Variants in SLC9C1 observed in about 807,000 individuals in gnomAD.
SLC9C1 encodes sodium/hydrogen exchanger 10.
In SLC9C1, 97 loss-of-function variants were observed where a neutral mutation model predicts 140.9. That is an observed-to-expected ratio of 0.69 (90% CI 0.58 to 0.82). The LOEUF is 0.82. SLC9C1 is among the 40% of genes least tolerant of loss of function. The pLI is 0.00. For missense variants in SLC9C1, 1,340 were observed against 1,389.3 expected (o/e 0.96, Z 0.56); for synonymous variants, 440 against 442.6 (o/e 0.99, Z 0.07).
At chr3:112,259,426 A>G (rs1189969354) in intron 10 of SLC9C1, among the ~76,000 whole-genome samples, 1 of 151,930 alleles carries the variant, frequency 6.6e-6, no homozygotes, top group East Asian at 1.9e-4. Flanking sequence ...TAAAAAAAAA[A>G]AAAAAAGCAA....
chr3:112,280,594 ATGAATAAC>A, intron 3 of SLC9C1, 81 bp downstream of exon 3: 1 of 1,041,080 alleles, frequency 9.6e-7, no homozygotes, highest in Non-Finnish European at 1.4e-6. Flanking sequence ...CAGTGAGGGG[ATGAATAAC>A]TTTTGCAAAT....
intron 2 of SLC9C1, among the ~76,000 whole-genome samples, chr3:112,282,438 C>T (rs2080384088): frequency 1.3e-5 from 2 of 152,194 alleles, no homozygotes; most frequent in African/African-American, 4.8e-5. Context: ...TTTTGAAAAA[C>T]TCAGCCAAAG....
intron 10 of SLC9C1, among the ~76,000 whole-genome samples, chr3:112,255,515 A>C (rs1222156526): frequency 6.6e-6 from 1 of 152,198 alleles, no homozygotes; most frequent in Non-Finnish European, 1.5e-5. Context: ...GGCAGAAATC[A>C]AGAAGTTCTT....
chr3:112,282,543 G>C (rs2080387104), intron 2 of SLC9C1, among the ~76,000 whole-genome samples: 1 of 152,170 alleles, frequency 6.6e-6, no homozygotes, highest in Non-Finnish European at 1.5e-5. Flanking sequence ...GGGCAATTTT[G>C]TGAGAGTTTT....
At chr3:112,211,876 A>AG (rs1258206325) in intron 15 of SLC9C1, among the ~76,000 whole-genome samples, 1 of 152,236 alleles carries the variant, frequency 6.6e-6, no homozygotes, top group Admixed American at 6.5e-5. Flanking sequence ...CCCAGCACGG[A>AG]GTCTGAGATC....
intron 10 of SLC9C1, among the ~76,000 whole-genome samples, chr3:112,251,194 G>A (rs749317878): frequency 6.6e-6 from 1 of 152,106 alleles, no homozygotes; most frequent in Non-Finnish European, 1.5e-5. Flanking sequence ...CACACACTGG[G>A]ATTCATAAAG....
At chr3:112,291,327 C>T (rs55748364) in intron 1 of SLC9C1, among the ~76,000 whole-genome samples, 30,992 of 152,086 alleles carry the variant, frequency 0.2, 3,570 homozygotes, top group Middle Eastern at 0.3. Context: ...ACAAAGTAAA[C>T]AGATAACCTA....
intron 13 of SLC9C1, among the ~76,000 whole-genome samples, chr3:112,224,874 C>T (rs2078641841): frequency 6.6e-6 from 1 of 151,868 alleles, no homozygotes; most frequent in African/African-American, 2.4e-5. Flanking sequence ...CCCAAGAGAG[C>T]TCATGGGACC....
chr3:112,279,399 A>T (rs1467579440), intron 3 of SLC9C1, among the ~76,000 whole-genome samples: 2 of 152,200 alleles, frequency 1.3e-5, no homozygotes, highest in Non-Finnish European at 2.9e-5. Context: ...TGTAATAAAG[A>T]TAGTATCTCC....
At chr3:112,147,640 T>G in intron 28 of SLC9C1, 1 of 251,482 alleles carries the variant, frequency 4.0e-6, no homozygotes, top group South Asian at 3.6e-5. Flanking sequence ...AGGTTTCTGG[T>G]GAGAAATCTG....
At chr3:112,216,876 A>T (rs2078388440) in intron 15 of SLC9C1, among the ~76,000 whole-genome samples, 1 of 152,180 alleles carries the variant, frequency 6.6e-6, no homozygotes, top group South Asian at 2.1e-4. Flanking sequence ...AAGGATTATA[A>T]ATCATGCTGC....
chr3:112,165,214 C>T (rs1346822867), intron 26 of SLC9C1, among the ~76,000 whole-genome samples: 3 of 152,080 alleles, frequency 2.0e-5, no homozygotes, highest in Non-Finnish European at 2.9e-5. Flanking sequence ...GCCATGGGTT[C>T]GAACTTCCTC....
At chr3:112,204,805 A>C (rs1400364861) in intron 16 of SLC9C1, among the ~76,000 whole-genome samples, 1 of 151,990 alleles carries the variant, frequency 6.6e-6, no homozygotes, top group Non-Finnish European at 1.5e-5. Context: ...TTATATCCAA[A>C]ATGATGATTC....
intron 20 of SLC9C1, among the ~76,000 whole-genome samples, chr3:112,189,437 T>C (rs947718566): frequency 9.9e-5 from 15 of 152,248 alleles, no homozygotes; most frequent in African/African-American, 3.6e-4. Context: ...CAGTTTCAGC[T>C]TTCTACATAT....
Position 112,151,417 on chromosome 3 carries a change from C to T in SLC9C1, c.3524+440G>A, listed in dbSNP as rs777158823. 28 of 518,976 alleles carry T rather than the reference C, an allele frequency of 5.4e-5. 1 individual carries two copies. The highest frequency in any genetic ancestry group is 3.9e-4 in the South Asian group (28 of 71,600). The allele number at this position is 518,976 out of a possible 1,614,324, so 32.1% of individuals were successfully genotyped here. On this transcript the variant is annotated intron_variant, in intron 28 of 28. Coordinates refer to ENST00000305815, the MANE Select transcript of SLC9C1 (RefSeq NM_183061.3). ...CCATTTCTCTCTTGAATTCCTTTAA[C>T]TTCAGCTGGTGTTATCCACAGTGTA...
chr3:112,245,878 G>A (rs886601564), intron 10 of SLC9C1, among the ~76,000 whole-genome samples: 4 of 152,004 alleles, frequency 2.6e-5, no homozygotes, highest in Non-Finnish European at 5.9e-5. Context: ...GTTGTTTTCA[G>A]TGCACGAGTC....
rs753568307 is a variant in SLC9C1 at position 112,199,449 on chromosome 3, G to A, written c.2395C>T (p.Pro799Ser). Reference sequence around the variant, plus strand: ...GTTTTCACAGTGACAGCAATTTCTGGGTGATCATACTCTAAGTAGCCTAAA... The same window carrying A: ...GTTTTCACAGTGACAGCAATTTCTGAGTGATCATACTCTAAGTAGCCTAAA... ...KELGYLEYDH[P>S]EIAVTVKTKE... Residue 799 changes from proline (P) to serine (S), a missense_variant, in exon 20 of 29, where the codon CCA (proline) becomes TCA (serine). Physicochemically the swap from Pro to Ser is moderately conservative, Grantham distance 74. Coordinates refer to ENST00000305815, the MANE Select transcript of SLC9C1 (RefSeq NM_183061.3). 6 of 1,587,158 alleles carry A rather than the reference G, an allele frequency of 3.8e-6. No individual in the cohort carries two copies. Among genetic ancestry groups the A allele is most frequent in the Non-Finnish European group, 5.1e-6 (6 of 1,168,492 alleles).
At chr3:112,177,992 A>G (rs1576280035) in intron 23 of SLC9C1, among the ~76,000 whole-genome samples, 2 of 152,078 alleles carry the variant, frequency 1.3e-5, no homozygotes, top group South Asian at 2.1e-4. Context: ...TATTCTGTTC[A>G]CATTAAAATG....
At chr3:112,231,520 C>G (rs55735606) in intron 12 of SLC9C1, 34 bp from the exon 13 acceptor site, 485,172 of 1,556,754 alleles carry the variant, frequency 0.31, 77,794 homozygotes, top group African/African-American at 0.34. Flanking sequence ...ACAAAAAATA[C>G]ATGAATATTA....
Sources: allele counts gnomAD v4.1 joint callset (sites outside exome capture counted in the v4.1 genomes callset), GRCh38; gene constraint gnomAD v4.1.1; transcripts MANE v1.5; gene names NCBI Gene and HGNC (gene_info 2026-07-23, HGNC 2026-07-21).